ACSF2: variants seen among roughly 807,000 people sequenced by gnomAD.
The protein encoded by ACSF2 is medium-chain acyl-CoA ligase ACSF2, mitochondrial.
Under a neutral mutation model 79.3 loss-of-function variants are expected in ACSF2, and 52 were observed. That is an observed-to-expected ratio of 0.66 (90% CI 0.53 to 0.83). The LOEUF is 0.83. Among genes scored for constraint, ACSF2 ranks in the 40% least tolerant of loss-of-function variants. ACSF2 has a pLI of 0.00. For synonymous variants in ACSF2, 283 were observed against 312.6 expected (o/e 0.91, Z 1.00); for missense variants, 661 against 803.3 (o/e 0.82, Z 2.14).
intron 10 of ACSF2, among the ~76,000 whole-genome samples, chr17:50,466,098 T>C (rs551101000): frequency 6.7e-6 from 1 of 148,194 alleles, no homozygotes; most frequent in South Asian, 2.2e-4. Flanking sequence ...TTCCTTTTTT[T>C]TTTTTTGAGA....
chr17:50,427,396 T>C (rs1598381837), intron 1 of ACSF2, among the ~76,000 whole-genome samples: 1 of 152,344 alleles, frequency 6.6e-6, no homozygotes, highest in African/African-American at 2.4e-5. Context: ...AAGCATGCAA[T>C]GCCTTAACAT....
intron 2 of ACSF2, 105 bp downstream of exon 2, chr17:50,460,977 T>C: frequency 7.4e-7 from 1 of 1,352,014 alleles, no homozygotes; most frequent in Non-Finnish European, 1.0e-6. Context: ...GGCAATGTGC[T>C]AGGGCTGCCA....
intron 6 of ACSF2, 43 bp downstream of exon 6, chr17:50,462,628 G>A: frequency 6.3e-7 from 1 of 1,597,252 alleles, no homozygotes; most frequent in South Asian, 1.1e-5. Flanking sequence ...ATGGACACAT[G>A]CCCCCTGTCC....
intron 1 of ACSF2, among the ~76,000 whole-genome samples, chr17:50,427,660 A>G (rs1393633569): frequency 1.3e-5 from 2 of 152,222 alleles, no homozygotes; most frequent in East Asian, 3.8e-4. Context: ...ATTTTATCAC[A>G]CTAAATCAGG....
intron 1 of ACSF2, among the ~76,000 whole-genome samples, chr17:50,433,914 C>T (rs536503759): frequency 3.3e-5 from 5 of 152,168 alleles, no homozygotes; most frequent in East Asian, 1.9e-4. Context: ...TGTGACCCAC[C>T]GCACTGGCCC....
intron 1 of ACSF2, among the ~76,000 whole-genome samples, chr17:50,452,655 A>C (rs1339374821): frequency 6.6e-6 from 1 of 152,170 alleles, no homozygotes; most frequent in African/African-American, 2.4e-5. Context: ...CACGTTCTAC[A>C]CGTGTATCCC....
At chr17:50,441,650 T>C (rs1251611471) in intron 1 of ACSF2, among the ~76,000 whole-genome samples, 3 of 152,164 alleles carry the variant, frequency 2.0e-5, no homozygotes, top group Admixed American at 1.3e-4. Flanking sequence ...AAAATGGGTA[T>C]GTATCTTGGT....
rs957405272 is a variant in ACSF2, at chr17:50,474,329, CCT to C, written c.1797+65_1797+66del. On this transcript the variant is annotated intron_variant, in intron 15 of 15. Coordinates refer to ENST00000300441, the MANE Select transcript of ACSF2 (RefSeq NM_025149.6). This position sits in a 1 kb window ranked among gnomAD's most constrained non-coding sequence, Gnocchi z 4.2. ...GGCTCTGGGGCCCCATAGGGCCCCA[CCT>C]CTGTTTCCTTCAGCAATGGGTGTGG... 1.3e-6 allele frequency: 2 copies of C among 1,561,658 alleles called. No homozygotes were observed. Among genetic ancestry groups the C allele is most frequent in the African/African-American group, 1.4e-5 (1 of 73,512 alleles).
intron 1 of ACSF2, among the ~76,000 whole-genome samples, chr17:50,444,168 T>C (rs966441123): frequency 2.1e-4 from 32 of 152,342 alleles, no homozygotes; most frequent in Non-Finnish European, 1.5e-5. Flanking sequence ...GTTGAATTAT[T>C]TTATATCTAT....
chr17:50,468,379 C>T, intron 10 of ACSF2: 1 of 1,614,054 alleles, frequency 6.2e-7, no homozygotes, highest in Non-Finnish European at 8.5e-7. Context: ...GGTTGACCAG[C>T]GGGGAGAGCA....
rs771836834 is a variant in ACSF2 at position 50,472,415 on chromosome 17, C to T, written c.1324-13C>T. Reference sequence around the variant, plus strand: ...AGGATAGGAAGCCCCAACCTGAGGCCATCCTGTCCCAGGCCCGGATCATGA... The same window carrying T: ...AGGATAGGAAGCCCCAACCTGAGGCTATCCTGTCCCAGGCCCGGATCATGA... On this transcript the variant is annotated splice_polypyrimidine_tract_variant and intron_variant, in intron 11 of 15. Transcript: ENST00000300441. 10 of 1,606,960 alleles carry T rather than the reference C, an allele frequency of 6.2e-6. No individual in the cohort carries two copies. Among genetic ancestry groups the T allele is most frequent in the Non-Finnish European group, 8.5e-6 (10 of 1,177,100 alleles).
chr17:50,467,871 T>C, intron 10 of ACSF2: 1 of 616,396 alleles, frequency 1.6e-6, no homozygotes, highest in Non-Finnish European at 2.8e-6. Context: ...GGGATTAGGG[T>C]AGGGATGTGA....
intron 12 of ACSF2, 70 bp downstream of exon 12, chr17:50,472,649 G>A (rs2033175781): frequency 3.3e-6 from 5 of 1,519,810 alleles, no homozygotes; most frequent in Non-Finnish European, 3.5e-6. Context: ...GCTGAGCCGG[G>A]AACATTAACC....
chr17:50,462,564 C>T lies in ACSF2; in HGVS notation c.771C>T (p.Pro257=), dbSNP rs150674486. 524 of 1,613,810 alleles carry T rather than the reference C, an allele frequency of 3.2e-4. 1 individual carries two copies. The African/African-American group carries it at 6.5e-3, about 20-fold the overall frequency. ...YNQQFLSCHD[P]INIQFTSGTT... is the part of the protein sequence containing the mutation. The stretch of plus-strand genomic sequence containing the variant: ...AGCAGTTCCTGTCCTGCCATGACCC[C>T]ATCAACATCCAGTTCACCTCGGTAG... The change falls in exon 6 of 16, where the codon CCC becomes CCT. Residue 257 remains proline, a synonymous_variant. Transcript: ENST00000300441.
intron 1 of ACSF2, among the ~76,000 whole-genome samples, chr17:50,435,932 T>G (rs1200061945): frequency 4.6e-5 from 7 of 151,814 alleles, no homozygotes; most frequent in Admixed American, 4.6e-4. Flanking sequence ...GTGAGTGTTT[T>G]TTTTTGTTGT....
Position 50,473,542 on chromosome 17 carries a change from T to A in ACSF2, c.1476-123T>A, listed in dbSNP as rs529587770. Reference sequence around the variant, plus strand: ...CAGAGACTGTGTCTTGTTCCTGCTATGTCTCCCAGAGTCTAGAGCAGTGGA... The same window carrying A: ...CAGAGACTGTGTCTTGTTCCTGCTAAGTCTCCCAGAGTCTAGAGCAGTGGA... On this transcript the variant is annotated intron_variant, in intron 12 of 15. Coordinates refer to ENST00000300441, the MANE Select transcript of ACSF2 (RefSeq NM_025149.6). 16 of 1,363,046 alleles carry A rather than the reference T, an allele frequency of 1.2e-5. No homozygotes were observed. The Middle Eastern group carries it at 1.3e-3, about 108-fold the overall frequency. 84.4% of individuals were successfully genotyped at this position (1,363,046 alleles called of 1,614,324 possible). A position where few individuals can be genotyped will look rare whatever the true frequency, so the allele number is the denominator to read the frequency against.
intron 1 of ACSF2, 132 bp downstream of exon 1, chr17:50,426,521 C>A: frequency 7.2e-6 from 8 of 1,116,384 alleles, no homozygotes; most frequent in Non-Finnish European, 9.3e-6. Context: ...CCTCCCCCGC[C>A]CCCCGCCAGC....
chr17:50,432,780 T>C (rs1041851251), intron 1 of ACSF2, among the ~76,000 whole-genome samples: 1 of 152,240 alleles, frequency 6.6e-6, no homozygotes, highest in Admixed American at 6.5e-5. Context: ...TAACTTAGTG[T>C]GGCTTTAGGC....
chr17:50,470,257 C>T (rs1339805143), intron 10 of ACSF2: 2 of 152,242 alleles, frequency 1.3e-5, no homozygotes, highest in Non-Finnish European at 2.9e-5. Flanking sequence ...CTGCCCTTTT[C>T]CCAAACCTCT....
Sources: gnomAD v4.1 joint callset for allele counts (sites outside exome capture counted in the v4.1 genomes callset) on GRCh38, gnomAD v4.1.1 for gene constraint, Gnocchi (gnomAD v3.1) non-coding constraint, MANE v1.5 for transcripts, NCBI Gene and HGNC (gene_info 2026-07-23, HGNC 2026-07-21) for gene names.